The following TP53AIP1 variants were observed in gnomAD, a reference collection of about 807,000 sequenced individuals.
TP53AIP1 encodes the protein p53-regulated apoptosis-inducing protein 1.
A neutral mutation model predicts 9.5 loss-of-function variants in TP53AIP1; 14 were observed. The observed-to-expected ratio is 1.47, with a 90% CI of 0.97 to 2.30. TP53AIP1 has a LOEUF of 2.30. TP53AIP1 is among the 30% of genes most tolerant of loss of function. The probability of loss-of-function intolerance (pLI) is 0.00; values close to 1 mark genes in which losing one functional copy is unlikely to be tolerated. For synonymous variants in TP53AIP1, 73 were observed against 61.2 expected (o/e 1.19, Z -0.90); for missense variants, 153 against 146.7 (o/e 1.04, Z -0.22).
chr11:128,935,997 T>G, intron 3 of TP53AIP1: 1 of 905,554 alleles, frequency 1.1e-6, no homozygotes, highest in Non-Finnish European at 1.4e-6. Context: ...ACAGGTGCTG[T>G]TCTTAGCATT....
chr11:128,942,055 C>T (rs1045576478), intron 1 of TP53AIP1, among the ~76,000 whole-genome samples: 11 of 152,176 alleles, frequency 7.2e-5, no homozygotes, highest in Non-Finnish European at 1.5e-4. Flanking sequence ...CATCCCCATA[C>T]CTGTGGCAGT....
At chr11:128,936,809 C>A in intron 2 of TP53AIP1, 160 bp from the exon 3 acceptor site, 1 of 1,429,930 alleles carries the variant, frequency 7.0e-7, no homozygotes, top group Non-Finnish European at 9.1e-7. Flanking sequence ...GGAAACCAAA[C>A]TGGGACAGGA....
In TP53AIP1 at chr11:128,937,168, G is replaced by A; in HGVS notation, c.141+510C>T. 1 of 1,112,444 alleles carries A rather than the reference G, an allele frequency of 9.0e-7. No individual in the cohort carries two copies. The highest frequency in any genetic ancestry group is 1.1e-6 in the Non-Finnish European group (1 of 910,344). 68.9% of individuals were successfully genotyped at this position (1,112,444 alleles called of 1,614,324 possible). On this transcript the variant is annotated intron_variant, in intron 2 of 3. Coordinates refer to ENST00000531399, the MANE Select transcript of TP53AIP1 (RefSeq NM_022112.3). This position sits in a 1 kb window ranked among gnomAD's most constrained non-coding sequence, Gnocchi z 4.8. ...CTCCTCAGAGCCCACAAGCTTCCGA[G>A]TGCGTCATCTTCATTATTGGCCACA...
Position 128,937,561 on chromosome 11 carries a change from T to C in TP53AIP1, c.141+117A>G. ...CATGCAGCTCTGAGGACCCAGATGC[T>C]GTCACTGGGTCCTGGTGAGTCTGAA... is the stretch of plus-strand genomic sequence containing the variant. On this transcript the variant is annotated intron_variant, in intron 2 of 3. Coordinates refer to ENST00000531399, the MANE Select transcript of TP53AIP1 (RefSeq NM_022112.3). The surrounding 1 kb of genome is among the most constrained non-coding windows in gnomAD (Gnocchi z 4.8). 6.2e-7 allele frequency: 1 copy of C among 1,614,096 alleles called. No homozygotes were observed. The highest frequency in any genetic ancestry group is 8.5e-7 in the Non-Finnish European group (1 of 1,180,016).
rs945844448 is a variant in TP53AIP1 at position 128,942,559 on chromosome 11, T to C, written c.-77+235A>G. On this transcript the variant is annotated intron_variant, in intron 1 of 3. Coordinates refer to ENST00000531399, the MANE Select transcript of TP53AIP1 (RefSeq NM_022112.3). ...CGACCAAGTCAGAAATTCTGCAGTG[T>C]GTGTTTTCGTAAGTCCTCCAGGTGA... Among the ~76,000 whole-genome samples, 5 of 152,212 alleles carry C rather than the reference T, an allele frequency of 3.3e-5. No individual in the cohort carries two copies. The South Asian group carries it at 6.2e-4, about 19-fold the overall frequency.
At chr11:128,936,826 A>G in intron 2 of TP53AIP1, 177 bp from the exon 3 acceptor site, 1 of 1,425,054 alleles carries the variant, frequency 7.0e-7, no homozygotes, top group Non-Finnish European at 9.1e-7. Flanking sequence ...AGGAGGAACA[A>G]AAGGCTCCTC....
downstream of TP53AIP1, chr11:128,934,858 C>T: frequency 1.6e-6 from 1 of 618,874 alleles, no homozygotes; most frequent in Non-Finnish European, 2.9e-6. Flanking sequence ...CGATTGAGGT[C>T]ATGCCCACTG....
Position 128,937,831 on chromosome 11 carries a change from C to T in TP53AIP1, c.-13G>A, listed in dbSNP as rs931286886. The T allele has an allele frequency of 1.9e-6, 3 of 1,595,874 alleles. No homozygotes were observed. The highest frequency in any genetic ancestry group is 2.6e-6 in the Non-Finnish European group (3 of 1,171,462). On this transcript the variant is annotated 5_prime_UTR_variant, in exon 2 of 4. Coordinates refer to ENST00000531399, the MANE Select transcript of TP53AIP1 (RefSeq NM_022112.3). This position sits in a 1 kb window ranked among gnomAD's most constrained non-coding sequence, Gnocchi z 4.8. ...AGGAAGATCCCATCCAGGGGAGGCC[C>T]TGTCTGCAGAAAGCAGAGAACTTGG...
At chr11:128,935,330 C>T (rs556825852), downstream of TP53AIP1, 2 of 1,417,270 alleles carry the variant, frequency 1.4e-6, no homozygotes, top group African/African-American at 2.9e-5. Context: ...TAGTTTTTAG[C>T]AAGTGGATAT....
At chr11:128,935,250 G>C (rs755921097), downstream of TP53AIP1, 1 of 1,421,600 alleles carries the variant, frequency 7.0e-7, no homozygotes, top group Admixed American at 2.6e-5. Context: ...GCCCTCGGGC[G>C]TGCCATAGCT....
intron 3 of TP53AIP1, chr11:128,936,201 A>T: frequency 9.3e-7 from 1 of 1,073,444 alleles, no homozygotes. Flanking sequence ...CTTTGCAGAA[A>T]CTAAAGTTGG....
intron 3 of TP53AIP1, chr11:128,936,086 G>A: frequency 2.4e-6 from 2 of 816,466 alleles, no homozygotes; most frequent in East Asian, 9.4e-5. Flanking sequence ...CACCTACACT[G>A]AGACTCAGGC....
intron 1 of TP53AIP1, among the ~76,000 whole-genome samples, chr11:128,941,722 C>A (rs1290820100): frequency 6.6e-6 from 1 of 152,232 alleles, no homozygotes; most frequent in Non-Finnish European, 1.5e-5. Context: ...GCCTGCTGCT[C>A]CCTGAGGAGG....
chr11:128,935,902 G>T, intron 3 of TP53AIP1, 190 bp from the exon 4 acceptor site: 3 of 1,309,452 alleles, frequency 2.3e-6, no homozygotes, highest in Non-Finnish European at 2.9e-6. Flanking sequence ...AGATTTCATA[G>T]ATATCAAATG....
chr11:128,940,583 A>G (rs1386534002), intron 1 of TP53AIP1, among the ~76,000 whole-genome samples: 2 of 152,224 alleles, frequency 1.3e-5, no homozygotes, highest in African/African-American at 2.4e-5. Context: ...CCATCATGAA[A>G]GCAGAGACTG....
At chr11:128,940,427 C>G (rs2136026439) in intron 1 of TP53AIP1, among the ~76,000 whole-genome samples, 1 of 152,298 alleles carries the variant, frequency 6.6e-6, no homozygotes, top group East Asian at 1.9e-4. Context: ...GAGGTGGGGC[C>G]TTAAGAGGGG....
chr11:128,938,227 T>C (rs921315857), intron 1 of TP53AIP1, among the ~76,000 whole-genome samples: 1 of 152,214 alleles, frequency 6.6e-6, no homozygotes, highest in Admixed American at 6.5e-5. Context: ...TTGTAAGGTG[T>C]GGGCTACCCT....
At chr11:128,942,165 T>A (rs1261296248) in intron 1 of TP53AIP1, among the ~76,000 whole-genome samples, 1 of 152,162 alleles carries the variant, frequency 6.6e-6, no homozygotes, top group Non-Finnish European at 1.5e-5. Context: ...GGGGCAGAAC[T>A]AGGGAACTGC....
rs1003954364 is a variant in TP53AIP1, at chr11:128,942,487, C to T, written c.-77+307G>A. Among the ~76,000 whole-genome samples the T allele has an allele frequency of 2.6e-5, 4 of 152,230 alleles. No homozygotes were observed. In the East Asian group the frequency reaches 5.8e-4, roughly 22 times the overall value. ...GGACGCACAGCATCGGCGTCAGCAT[C>T]GCCCAGGAACCTGTTAGAGATACAC... On this transcript the variant is annotated intron_variant, in intron 1 of 3. Coordinates refer to ENST00000531399, the MANE Select transcript of TP53AIP1 (RefSeq NM_022112.3).
Sources: gnomAD v4.1 joint callset for allele counts (sites outside exome capture counted in the v4.1 genomes callset) on GRCh38, gnomAD v4.1.1 for gene constraint, Gnocchi (gnomAD v3.1) non-coding constraint, MANE v1.5 for transcripts, NCBI Gene and HGNC (gene_info 2026-07-23, HGNC 2026-07-21) for gene names.